PPARD: variants seen among roughly 807,000 people sequenced by gnomAD.
PPARD encodes the protein peroxisome proliferator-activated receptor delta.
PPARD carries 6 observed loss-of-function variants against 39.5 expected under a neutral mutation model. The ratio of observed to expected loss-of-function variants is 0.15; its 90% CI spans 0.08 to 0.30. The LOEUF (loss-of-function observed/expected upper bound fraction) is 0.30. PPARD is among the 10% of genes least tolerant of loss of function. The pLI, the probability that PPARD is intolerant of heterozygous loss-of-function variation, is 1.00. For synonymous variants in PPARD, 210 were observed against 231.3 expected (o/e 0.91, Z 0.83); for missense variants, 397 against 596.8 (o/e 0.67, Z 3.49).
intron 2 of PPARD, among the ~76,000 whole-genome samples, chr6:35,404,096 A>C (rs1764871491): frequency 6.6e-6 from 1 of 152,170 alleles, no homozygotes; most frequent in African/African-American, 2.4e-5. Flanking sequence ...ACTGAGACTA[A>C]GGAGCCCCAG....
chr6:35,399,379 G>A (rs1045767312), intron 2 of PPARD, among the ~76,000 whole-genome samples: 8 of 120,956 alleles, frequency 6.6e-5, no homozygotes, highest in Non-Finnish European at 9.7e-5. Context: ...CAGCCTGGAC[G>A]ACAAAGTGAG....
rs371644260 is a variant in PPARD, at chr6:35,396,443, A to G, written c.-101-14544A>G. On this transcript the variant is annotated intron_variant, in intron 2 of 7. Coordinates refer to ENST00000360694, the MANE Select transcript of PPARD (RefSeq NM_006238.5). ...ATGGTCTCGATCTCCTGACCTCGTG[A>G]TCCACACACCTCGGCCTCCCAAAGT... Among the ~76,000 whole-genome samples the G allele has an allele frequency of 1.3e-4, 19 of 149,614 alleles. No homozygotes were observed. In the East Asian group the frequency reaches 2.8e-3, roughly 22 times the overall value.
At position 35,371,300 on chromosome 6, in the gene PPARD, G is replaced by GTTCCTC. The variant is rs1255718179; in HGVS notation, c.-102+24159_-102+24164dup. ...CTCTGACTGCGCCTTTGCTGCCCTGGTTCCTCTTCCTCTTTCCGCTGCCTG... is the reference window on the plus strand; with the variant it reads ...CTCTGACTGCGCCTTTGCTGCCCTGGTTCCTCTTCCTCTTCCTCTTTCCGCTGCCTG... On this transcript the variant is annotated intron_variant, in intron 2 of 7. Transcript: ENST00000360694. Among the ~76,000 whole-genome samples, 10 of 152,122 alleles carry GTTCCTC rather than the reference G, an allele frequency of 6.6e-5. No individual in the cohort carries two copies. The East Asian group carries it at 1.9e-3, about 29-fold the overall frequency.
intron 2 of PPARD, 73 bp from the exon 3 acceptor site, chr6:35,410,914 C>T (rs940652900): frequency 7.2e-6 from 9 of 1,251,214 alleles, no homozygotes; most frequent in East Asian, 3.1e-5. Flanking sequence ...AGCCCCCAAG[C>T]GTGCCCCACT....
chr6:35,414,750 G>A (rs1017614755), intron 3 of PPARD, among the ~76,000 whole-genome samples: 3 of 152,202 alleles, frequency 2.0e-5, no homozygotes, highest in East Asian at 3.9e-4. Flanking sequence ...CTTTGGCCTC[G>A]GGAGTCCCCT....
chr6:35,359,120 T>C (rs1761785178), intron 2 of PPARD, among the ~76,000 whole-genome samples: 1 of 152,204 alleles, frequency 6.6e-6, no homozygotes, highest in Non-Finnish European at 1.5e-5. Flanking sequence ...GGCCCTGCAC[T>C]GGGACACAGC....
intron 2 of PPARD, among the ~76,000 whole-genome samples, chr6:35,383,050 G>A (rs150606307): frequency 5.4e-4 from 83 of 152,306 alleles, no homozygotes; most frequent in Middle Eastern, 3.4e-3. Flanking sequence ...GGTGTGACAG[G>A]TCATGGCTGG....
chr6:35,354,574 C>T (rs1047145342), intron 2 of PPARD, among the ~76,000 whole-genome samples: 7 of 152,272 alleles, frequency 4.6e-5, no homozygotes, highest in East Asian at 3.9e-4. Flanking sequence ...GCTGGAATTA[C>T]AGGCATGAGC....
At chr6:35,348,805 G>C (rs929239050) in intron 2 of PPARD, 22 of 985,284 alleles carry the variant, frequency 2.2e-5, no homozygotes, top group Non-Finnish European at 2.4e-5. Flanking sequence ...GAGGAAGAAG[G>C]GGGGAGTTTC....
At chr6:35,345,797 A>T (rs1033011400) in intron 1 of PPARD, among the ~76,000 whole-genome samples, 1 of 151,286 alleles carries the variant, frequency 6.6e-6, no homozygotes, top group Non-Finnish European at 1.5e-5. Context: ...AGCTGTCTTC[A>T]GGGCCTGCAG....
intron 2 of PPARD, among the ~76,000 whole-genome samples, chr6:35,394,558 G>A (rs547960592): frequency 3.3e-5 from 5 of 152,036 alleles, no homozygotes; most frequent in Non-Finnish European, 5.9e-5. Flanking sequence ...ATCACCTGAG[G>A]TCAGGAGTTC....
intron 2 of PPARD, among the ~76,000 whole-genome samples, chr6:35,379,021 G>T (rs1440134108): frequency 6.6e-6 from 1 of 151,984 alleles, no homozygotes; most frequent in African/African-American, 2.4e-5. Flanking sequence ...CAATTCCCTT[G>T]GCTGGAATTT....
At chr6:35,403,961 C>G (rs1387042580) in intron 2 of PPARD, among the ~76,000 whole-genome samples, 1 of 152,186 alleles carries the variant, frequency 6.6e-6, no homozygotes, top group Admixed American at 6.5e-5. Flanking sequence ...GAGCCTGTGG[C>G]TGTCTTCAGC....
intron 2 of PPARD, among the ~76,000 whole-genome samples, chr6:35,374,523 T>G (rs1455480512): frequency 6.6e-6 from 1 of 151,640 alleles, no homozygotes; most frequent in Admixed American, 6.6e-5. Flanking sequence ...CCGGGCATGG[T>G]GGCAGGCACC....
intron 2 of PPARD, among the ~76,000 whole-genome samples, chr6:35,353,878 C>G (rs914884996): frequency 1.3e-5 from 2 of 152,114 alleles, no homozygotes; most frequent in Non-Finnish European, 2.9e-5. Flanking sequence ...ATCTGGTATC[C>G]TCACCCTTTC....
chr6:35,348,974 C>G, intron 2 of PPARD: 1 of 985,194 alleles, frequency 1.0e-6, no homozygotes, highest in Non-Finnish European at 1.2e-6. Flanking sequence ...TTGTCCAGTT[C>G]ATCCCTGAGC....
At chr6:35,396,888 T>G (rs1023600874) in intron 2 of PPARD, among the ~76,000 whole-genome samples, 6 of 152,134 alleles carry the variant, frequency 3.9e-5, no homozygotes, top group Non-Finnish European at 7.4e-5. Context: ...CTGGAACTCC[T>G]GGGCTCAAGC....
intron 2 of PPARD, among the ~76,000 whole-genome samples, chr6:35,378,129 T>G (rs1267668898): frequency 6.6e-6 from 1 of 152,134 alleles, no homozygotes; most frequent in Non-Finnish European, 1.5e-5. Context: ...CCCAAAGTGC[T>G]GGGATTACAG....
intron 2 of PPARD, among the ~76,000 whole-genome samples, chr6:35,396,413 C>G (rs1764318341): frequency 6.6e-6 from 1 of 150,952 alleles, no homozygotes; most frequent in Non-Finnish European, 1.5e-5. Flanking sequence ...ACCGTGTTAG[C>G]CAGGATGGTC....
Sources: gnomAD v4.1 joint callset for allele counts (sites outside exome capture counted in the v4.1 genomes callset) on GRCh38, gnomAD v4.1.1 for gene constraint, MANE v1.5 for transcripts, NCBI Gene and HGNC (gene_info 2026-07-23, HGNC 2026-07-21) for gene names.